Variants in CDH18 observed in about 807,000 individuals in gnomAD.
CDH18 encodes the protein cadherin-18.
A neutral mutation model predicts 67.9 loss-of-function variants in CDH18; 31 were observed. That is an observed-to-expected ratio of 0.46 (90% CI 0.34 to 0.62). CDH18 has a LOEUF of 0.62. CDH18 is among the 20% of genes least tolerant of loss of function. CDH18 has a pLI of 0.01. For missense variants in CDH18, 890 were observed against 975.5 expected, an observed-to-expected ratio of 0.91 and a Z score of 1.17; for synonymous variants, 362 against 347.2, an observed-to-expected ratio of 1.04 and a Z score of -0.48.
chr5:19,526,631 T>C (rs1747790698), intron 9 of CDH18, among the ~76,000 whole-genome samples: 1 of 152,102 alleles, frequency 6.6e-6, no homozygotes, highest in African/African-American at 2.4e-5. Context: ...TTTAATTTAC[T>C]TTTAGCCCAA....
chr5:19,797,670 T>C (rs1286333687), intron 3 of CDH18, among the ~76,000 whole-genome samples: 3 of 151,952 alleles, frequency 2.0e-5, no homozygotes, highest in African/African-American at 7.2e-5. Context: ...AAAATACTAA[T>C]GAAAGAAATC....
At chr5:19,863,804 T>C (rs1785162805) in intron 2 of CDH18, among the ~76,000 whole-genome samples, 1 of 152,146 alleles carries the variant, frequency 6.6e-6, no homozygotes, top group Non-Finnish European at 1.5e-5. Flanking sequence ...AGGGAGGCTG[T>C]GAGAGGTGAG....
intron 3 of CDH18, among the ~76,000 whole-genome samples, chr5:19,836,337 C>G (rs535551312): frequency 6.6e-6 from 1 of 152,196 alleles, no homozygotes; most frequent in Non-Finnish European, 1.5e-5. Flanking sequence ...CTGTTGTTTC[C>G]TGACTTTTTA....
chr5:20,460,398 C>CATAA (rs71688150), intron 1 of CDH18, among the ~76,000 whole-genome samples: 29,663 of 141,032 alleles, frequency 0.21, 3,392 homozygotes, highest in Non-Finnish European at 0.26. Context: ...TCTCTAAATA[C>CATAA]ATAAATAAAT....
At chr5:19,748,133 A>AAAAAAAAAAAAAAAAT (rs1770354649) in intron 3 of CDH18, among the ~76,000 whole-genome samples, 1 of 142,902 alleles carries the variant, frequency 7.0e-6, no homozygotes, top group Non-Finnish European at 1.5e-5. Flanking sequence ...AAAAAAAAAA[A>AAAAAAAAAAAAAAAAT]GAGTACTTTT....
At chr5:19,591,878 A>G (rs1015123766) in intron 6 of CDH18, among the ~76,000 whole-genome samples, 27 of 152,096 alleles carry the variant, frequency 1.8e-4, no homozygotes, top group African/African-American at 6.3e-4. Flanking sequence ...TTAAAAATCG[A>G]TTACAGAGTT....
At chr5:19,638,993 T>G (rs867072223) in intron 5 of CDH18, among the ~76,000 whole-genome samples, 4 of 107,264 alleles carry the variant, frequency 3.7e-5, no homozygotes, top group African/African-American at 1.2e-4. Flanking sequence ...TTTTTTTTTT[T>G]TTTTTTTTTT....
chr5:20,379,748 A>C (rs758696361), intron 1 of CDH18, among the ~76,000 whole-genome samples: 1 of 152,048 alleles, frequency 6.6e-6, no homozygotes, highest in Non-Finnish European at 1.5e-5. Context: ...AGGCAATAAA[A>C]ATATTAAAGT....
At chr5:19,690,305 A>G (rs545819526) in intron 5 of CDH18, among the ~76,000 whole-genome samples, 1 of 151,738 alleles carries the variant, frequency 6.6e-6, no homozygotes, top group South Asian at 2.1e-4. Flanking sequence ...CAGCAAAAGT[A>G]GTGCTGAGAG....
At chr5:19,843,229 T>A (rs1416127376) in intron 2 of CDH18, among the ~76,000 whole-genome samples, 1 of 152,162 alleles carries the variant, frequency 6.6e-6, no homozygotes, top group Non-Finnish European at 1.5e-5. Flanking sequence ...AAAAAATGGT[T>A]TCCTGGGCCA....
intron 2 of CDH18, among the ~76,000 whole-genome samples, chr5:20,066,692 A>G (rs1442611310): frequency 6.6e-6 from 1 of 152,082 alleles, no homozygotes; most frequent in East Asian, 1.9e-4. Flanking sequence ...TAAAAGCCAC[A>G]GTAAGAAAAA....
intron 5 of CDH18, among the ~76,000 whole-genome samples, chr5:19,709,696 A>G (rs1215723516): frequency 1.3e-5 from 2 of 151,674 alleles, no homozygotes; most frequent in African/African-American, 2.4e-5. Context: ...AAAGAAAAGG[A>G]AAAAAAAGAA....
intron 1 of CDH18, among the ~76,000 whole-genome samples, chr5:20,346,090 C>T (rs1740672890): frequency 1.3e-5 from 2 of 152,036 alleles, no homozygotes; most frequent in South Asian, 4.2e-4. Flanking sequence ...AGCAGTAGTC[C>T]CAGAAATCCA....
chr5:20,539,159 G>C (rs1756909899), intron 1 of CDH18, among the ~76,000 whole-genome samples: 1 of 151,832 alleles, frequency 6.6e-6, no homozygotes, highest in South Asian at 2.1e-4. Flanking sequence ...AAAAAGTGCT[G>C]GTATTACAGG....
At chr5:19,986,383 T>C in intron 1 of CDH18, among the ~76,000 whole-genome samples, 1 of 152,214 alleles carries the variant, frequency 6.6e-6, no homozygotes, top group South Asian at 2.1e-4. Flanking sequence ...GCTATTGGGT[T>C]ATCTTCAGCT....
chr5:19,782,763 T>C (rs1187475555), intron 3 of CDH18, among the ~76,000 whole-genome samples: 2 of 152,172 alleles, frequency 1.3e-5, no homozygotes, highest in Admixed American at 6.6e-5. Flanking sequence ...TTAGGTATGC[T>C]TGGCCAAATT....
chr5:20,140,195 A>T (rs1329590976), intron 2 of CDH18, among the ~76,000 whole-genome samples: 1 of 152,178 alleles, frequency 6.6e-6, no homozygotes, highest in African/African-American at 2.4e-5. Flanking sequence ...GGAAACCATC[A>T]TTCTGAGCAA....
chr5:20,364,987 G>C (rs766103396), intron 1 of CDH18, among the ~76,000 whole-genome samples: 36 of 152,064 alleles, frequency 2.4e-4, no homozygotes, highest in Admixed American at 1.3e-4. Flanking sequence ...AATGGAGTAG[G>C]GTTTATAAAT....
intron 1 of CDH18, among the ~76,000 whole-genome samples, chr5:20,433,942 T>A (rs1017189047): frequency 2.0e-5 from 3 of 151,768 alleles, no homozygotes; most frequent in Non-Finnish European, 2.9e-5. Flanking sequence ...AAACGAGGAG[T>A]CTAACATGAG....
Sources: allele counts gnomAD v4.1 joint callset (sites outside exome capture counted in the v4.1 genomes callset), GRCh38; gene constraint gnomAD v4.1.1; transcripts MANE v1.5; gene names NCBI Gene and HGNC (gene_info 2026-07-23, HGNC 2026-07-21).